MYOCOS: variants seen among roughly 807,000 people sequenced by gnomAD.
The protein encoded by MYOCOS is myocilin opposite strand protein.
chr1:171,603,226 G>A lies in MYOCOS; in HGVS notation c.-252+2146G>A, dbSNP rs917346515. Among the ~76,000 whole-genome samples the A allele has an allele frequency of 1.7e-4, 26 of 152,216 alleles. 1 individual carries two copies. ...TTAGCATTCCTTAGAGACCTGAAGG[G>A]ATGCAGTGAGCTTAAGAATTTTCAA... On this transcript the variant is annotated intron_variant, in intron 1 of 3. Transcript: ENST00000636697.
At chr1:171,602,444 AC>A (rs1652161597) in intron 1 of MYOCOS, among the ~76,000 whole-genome samples, 1 of 152,190 alleles carries the variant, frequency 6.6e-6, no homozygotes, top group Non-Finnish European at 1.5e-5. Context: ...AAGTTTTAAA[AC>A]GTTAATTGTA....
intron 1 of MYOCOS, among the ~76,000 whole-genome samples, chr1:171,613,004 T>C (rs1238425546): frequency 1.3e-5 from 2 of 152,226 alleles, no homozygotes; most frequent in Admixed American, 6.5e-5. Flanking sequence ...TCTATTTATT[T>C]CTAGCCTTCA....
upstream of MYOCOS, among the ~76,000 whole-genome samples, chr1:171,621,141 C>T (rs1384965512): frequency 2.0e-5 from 3 of 152,198 alleles, no homozygotes; most frequent in East Asian, 5.8e-4. Context: ...AAGCTGCACC[C>T]CGACCAACTT....
At chr1:171,605,669 G>A (rs945887409) in intron 1 of MYOCOS, among the ~76,000 whole-genome samples, 7 of 151,878 alleles carry the variant, frequency 4.6e-5, no homozygotes, top group Non-Finnish European at 8.8e-5. Flanking sequence ...TGCTTCCCGC[G>A]GAAAACGAAG....
In MYOCOS at chr1:171,605,373, C is replaced by CCA. The variant is rs55880778; in HGVS notation, c.-252+4314_-252+4315dup. 5.5e-3 allele frequency among the ~76,000 whole-genome samples: 771 copies of CCA among 139,266 alleles called. 11 individuals are homozygous for CCA. Among genetic ancestry groups the CCA allele is most frequent in the Middle Eastern group, 0.011 (3 of 276 alleles). 91.4% of individuals were successfully genotyped at this position (139,266 alleles called of 152,430 possible). On this transcript the variant is annotated intron_variant, in intron 1 of 3. Coordinates refer to the MYOCOS transcript ENST00000636697. ...TAAGACAAAAACCATATTAATAGTACCACACACACACACACACACACAAAA... is the reference window on the plus strand; with the variant it reads ...TAAGACAAAAACCATATTAATAGTACCACACACACACACACACACACACAAAA...
upstream of MYOCOS, among the ~76,000 whole-genome samples, chr1:171,620,252 G>A (rs771133082): frequency 6.6e-6 from 1 of 151,694 alleles, no homozygotes; most frequent in Admixed American, 6.6e-5. Context: ...CTGGGGCATC[G>A]TGTCCTACAA....
At chr1:171,620,474 T>A (rs964545988), upstream of MYOCOS, among the ~76,000 whole-genome samples, 3 of 152,170 alleles carry the variant, frequency 2.0e-5, no homozygotes, top group Non-Finnish European at 2.9e-5. Flanking sequence ...CATAGCTAGA[T>A]ATTTTTCTTC....
At chr1:171,611,198 T>A (rs1360551565) in intron 1 of MYOCOS, among the ~76,000 whole-genome samples, 1 of 152,158 alleles carries the variant, frequency 6.6e-6, no homozygotes, top group African/African-American at 2.4e-5. Flanking sequence ...AAACCAAACT[T>A]GAGGGTTTTC....
At chr1:171,624,726 C>T (rs886723984) in intron 2 of MYOCOS, among the ~76,000 whole-genome samples, 2 of 151,890 alleles carry the variant, frequency 1.3e-5, no homozygotes, top group Non-Finnish European at 2.9e-5. Flanking sequence ...GGATTACAGG[C>T]GTGAGCGACT....
At chr1:171,604,936 G>A (rs899270475) in intron 1 of MYOCOS, among the ~76,000 whole-genome samples, 7 of 151,944 alleles carry the variant, frequency 4.6e-5, no homozygotes, top group Non-Finnish European at 1.0e-4. Context: ...AGAAAAATAC[G>A]TATCATTAGG....
chr1:171,620,497 A>G (rs1652541597), upstream of MYOCOS, among the ~76,000 whole-genome samples: 1 of 152,104 alleles, frequency 6.6e-6, no homozygotes, highest in Non-Finnish European at 1.5e-5. Context: ...GACCCTCCCA[A>G]TCCTAAAGAG....
At chr1:171,624,242 G>A (rs894119013) in intron 2 of MYOCOS, among the ~76,000 whole-genome samples, 8 of 152,048 alleles carry the variant, frequency 5.3e-5, no homozygotes, top group African/African-American at 9.7e-5. Context: ...AGAGAGTGGG[G>A]AGTGGGGATC....
At chr1:171,604,218 C>T (rs1652200920) in intron 1 of MYOCOS, 1 of 152,122 alleles carries the variant, frequency 6.6e-6, no homozygotes, top group South Asian at 2.1e-4. Flanking sequence ...AAGCCCTGCT[C>T]CAGTCACACC....
rs145172353 is a variant in MYOCOS at position 171,622,638 on chromosome 1, A to G, written c.-44+306A>G. On this transcript the variant is annotated intron_variant, in intron 1 of 2. Transcript: ENST00000637642. ...TATAAGAACAAACCTTTCCAGCCAAAAGATCAAGCTGGCGAGCTCTGGCTG... is the reference window on the plus strand; with the variant it reads ...TATAAGAACAAACCTTTCCAGCCAAGAGATCAAGCTGGCGAGCTCTGGCTG... 2.6e-5 allele frequency among the ~76,000 whole-genome samples: 4 copies of G among 152,278 alleles called. 1 individual carries two copies. The highest frequency in any genetic ancestry group is 9.6e-5 in the African/African-American group (4 of 41,568).
intron 1 of MYOCOS, among the ~76,000 whole-genome samples, chr1:171,609,690 A>G (rs1652320235): frequency 6.6e-6 from 1 of 152,220 alleles, no homozygotes; most frequent in African/African-American, 2.4e-5. Flanking sequence ...TTGTAGACAC[A>G]GGGTATATCA....
chr1:171,621,153 G>C (rs974192844), upstream of MYOCOS, among the ~76,000 whole-genome samples: 1 of 152,060 alleles, frequency 6.6e-6, no homozygotes, highest in Middle Eastern at 3.2e-3. Context: ...GACCAACTTG[G>C]GCACGTGTTC....
At chr1:171,602,243 G>C (rs1652157138) in intron 1 of MYOCOS, among the ~76,000 whole-genome samples, 1 of 152,028 alleles carries the variant, frequency 6.6e-6, no homozygotes, top group Non-Finnish European at 1.5e-5. Context: ...AAGAAAAAAT[G>C]TTATAAAAAA....
intron 1 of MYOCOS, among the ~76,000 whole-genome samples, chr1:171,609,264 C>A (rs1652308890): frequency 6.6e-6 from 1 of 152,256 alleles, no homozygotes; most frequent in Non-Finnish European, 1.5e-5. Context: ...AGATCCATCA[C>A]AAATAACCTG....
At chr1:171,619,773 T>G (rs1652518836), upstream of MYOCOS, among the ~76,000 whole-genome samples, 1 of 150,674 alleles carries the variant, frequency 6.6e-6, no homozygotes. Flanking sequence ...GAGGTGGAGA[T>G]TGCAGTGAGC....
Sources: allele counts gnomAD v4.1 joint callset (sites outside exome capture counted in the v4.1 genomes callset), GRCh38; gene constraint gnomAD v4.1.1; transcripts MANE v1.5; gene names NCBI Gene and HGNC (gene_info 2026-07-23, HGNC 2026-07-21).